PHF20L1: variants seen among roughly 807,000 people sequenced by gnomAD.
PHF20L1 encodes the protein PHD finger protein 20-like protein 1.
Under a neutral mutation model 125.5 loss-of-function variants are expected in PHF20L1, and 44 were observed. The observed-to-expected ratio is 0.35, with a 90% CI of 0.28 to 0.45. PHF20L1 has a LOEUF of 0.45. PHF20L1 is among the 20% of genes least tolerant of loss of function. The pLI is 1.00. For synonymous variants in PHF20L1, 380 were observed against 403.1 expected (o/e 0.94, Z 0.69); for missense variants, 1,012 against 1,217.2 (o/e 0.83, Z 2.51).
At chr8:132,839,636 A>C (rs1011885870) in intron 18 of PHF20L1, 54 bp downstream of exon 18, 12 of 1,278,138 alleles carry the variant, frequency 9.4e-6, no homozygotes, top group African/African-American at 1.5e-5. Flanking sequence ...TTTTAATTCA[A>C]ACCAACACTG....
At chr8:132,804,311 AT>A (rs941091993) in intron 7 of PHF20L1, among the ~76,000 whole-genome samples, 1 of 151,306 alleles carries the variant, frequency 6.6e-6, no homozygotes, top group Non-Finnish European at 1.5e-5. Context: ...TTTGTTTGAG[AT>A]TTTTTCTTTT....
intron 2 of PHF20L1, among the ~76,000 whole-genome samples, chr8:132,790,796 ATATTC>A (rs1831600567): frequency 6.6e-6 from 1 of 152,190 alleles, no homozygotes; most frequent in South Asian, 2.1e-4. Context: ...GATTAGGTCT[ATATTC>A]TATATGTCCC....
chr8:132,779,803 G>A (rs908848782), intron 2 of PHF20L1, among the ~76,000 whole-genome samples: 1 of 152,162 alleles, frequency 6.6e-6, no homozygotes, highest in Non-Finnish European at 1.5e-5. Flanking sequence ...TACTTTTAGA[G>A]TATTCTGTGT....
In PHF20L1 at chr8:132,842,846, T is replaced by C; in HGVS notation, c.2719T>C (p.Ser907Pro). Reference sequence around the variant, plus strand: ...GAGAAGTAAAAACAGTTTACAGTACTCAGCAAAAGAACATGGAATGCCTGA... The same window carrying C: ...GAGAAGTAAAAACAGTTTACAGTACCCAGCAAAAGAACATGGAATGCCTGA... ...HMRSKNSLQY[S>P]AKEHGMPEKN... Residue 907 changes from serine to proline, a missense_variant, in exon 19 of 21, where the codon TCA becomes CCA. Around this residue, in one of 7 missense-constraint regions of PHF20L1, gnomAD observed 277 missense variants for 283.6 expected, o/e 0.98. Coordinates refer to ENST00000395386, the MANE Select transcript of PHF20L1 (RefSeq NM_016018.5). The C allele has an allele frequency of 6.2e-7, 1 of 1,609,856 alleles. No homozygotes were observed. The highest frequency in any genetic ancestry group is 2.2e-5 in the East Asian group (1 of 44,836).
intron 2 of PHF20L1, among the ~76,000 whole-genome samples, chr8:132,778,736 C>G (rs1223963041): frequency 6.6e-6 from 1 of 152,176 alleles, no homozygotes; most frequent in Non-Finnish European, 1.5e-5. Flanking sequence ...GCCCCTCATT[C>G]TGCTGTCTTG....
chr8:132,789,485 T>G (rs1831429540), intron 2 of PHF20L1, among the ~76,000 whole-genome samples: 1 of 152,190 alleles, frequency 6.6e-6, no homozygotes, highest in African/African-American at 2.4e-5. Context: ...CAGTTGAGAT[T>G]AGTAGAATTG....
chr8:132,817,963 CTTAAATATAATT>C (rs1447511404), intron 12 of PHF20L1: 1 of 153,126 alleles, frequency 6.5e-6, no homozygotes, highest in Non-Finnish European at 1.5e-5. Context: ...ATGCCTGTAT[CTTAAATATAATT>C]CCATATTTTG....
At chr8:132,777,968 G>A in intron 2 of PHF20L1, 57 bp downstream of exon 2, 4 of 1,067,142 alleles carry the variant, frequency 3.7e-6, no homozygotes, top group Non-Finnish European at 2.9e-6. Flanking sequence ...CCTTACATAT[G>A]TTAATTAAAA....
At chr8:132,780,503 TTTC>T (rs1220691586) in intron 2 of PHF20L1, among the ~76,000 whole-genome samples, 3 of 152,146 alleles carry the variant, frequency 2.0e-5, no homozygotes, top group African/African-American at 7.2e-5. Context: ...TATACAGAAA[TTTC>T]TTTTCTCCCT....
In PHF20L1 at chr8:132,811,478, C is replaced by T. The variant is rs946551410; in HGVS notation, c.930+350C>T. ...GAGTTAAAACAGGGTTTTTTGACAT[C>T]GAATAAAGCTTCTTTTGTAAGAAGT... On this transcript the variant is annotated intron_variant, in intron 9 of 20. Coordinates refer to ENST00000395386, the MANE Select transcript of PHF20L1 (RefSeq NM_016018.5). 1.6e-5 allele frequency: 16 copies of T among 994,958 alleles called. 1 individual carries two copies. The African/African-American group carries it at 2.1e-4, about 13-fold the overall frequency. 61.6% of individuals were successfully genotyped at this position (994,958 alleles called of 1,614,324 possible).
chr8:132,777,073 A>G (rs982897783), intron 1 of PHF20L1, among the ~76,000 whole-genome samples: 4 of 152,222 alleles, frequency 2.6e-5, no homozygotes, highest in Admixed American at 1.3e-4. Context: ...GACACTGTCT[A>G]AATTGAAATA....
At chr8:132,817,569 C>T (rs752688833) in intron 12 of PHF20L1, 24 bp downstream of exon 12, 2 of 1,535,148 alleles carry the variant, frequency 1.3e-6, no homozygotes, top group South Asian at 1.2e-5. Context: ...AATAAAGGCT[C>T]CTATAAGTAG....
intron 19 of PHF20L1, chr8:132,843,249 A>G: frequency 1.0e-6 from 1 of 984,270 alleles, no homozygotes; most frequent in Non-Finnish European, 1.2e-6. Context: ...GAGTTAGATA[A>G]AAGGTGGCAC....
At position 132,837,964 on chromosome 8, in the gene PHF20L1, A is replaced by G. The variant is rs984609058; in HGVS notation, c.2191+153A>G. 11 of 609,232 alleles carry G rather than the reference A, an allele frequency of 1.8e-5. No individual in the cohort carries two copies. In the African/African-American group the frequency reaches 2.0e-4, roughly 11 times the overall value. The allele number at this position is 609,232 out of a possible 1,614,324, so 37.7% of individuals were successfully genotyped here. ...AAACTGTGACTCCAAATGAAACAGC[A>G]TGCTATATGCCATAGGAACTTAACT... is the stretch of plus-strand genomic sequence containing the variant. On this transcript the variant is annotated intron_variant, in intron 17 of 20. Transcript: ENST00000395386.
chr8:132,831,023 C>G (rs1275305780), intron 14 of PHF20L1, among the ~76,000 whole-genome samples: 1 of 152,034 alleles, frequency 6.6e-6, no homozygotes, highest in African/African-American at 2.4e-5. Flanking sequence ...TGCCATCACC[C>G]AAGTTCTGAG....
At chr8:132,796,886 G>A (rs1484067578) in intron 4 of PHF20L1, among the ~76,000 whole-genome samples, 1 of 152,094 alleles carries the variant, frequency 6.6e-6, no homozygotes, top group East Asian at 1.9e-4. Flanking sequence ...AACAGTCATT[G>A]CCCTCTACAT....
intron 2 of PHF20L1, among the ~76,000 whole-genome samples, chr8:132,787,890 G>A (rs901482870): frequency 6.6e-6 from 1 of 151,950 alleles, no homozygotes; most frequent in East Asian, 1.9e-4. Flanking sequence ...TTGTTATTTG[G>A]CAAATAATCC....
intron 2 of PHF20L1, among the ~76,000 whole-genome samples, chr8:132,785,405 T>C (rs1458807964): frequency 2.0e-5 from 3 of 152,310 alleles, no homozygotes; most frequent in African/African-American, 7.2e-5. Context: ...CAGATGCTTC[T>C]GTTTTTAATT....
Position 132,836,671 on chromosome 8 carries a change from ATTGTGCGATGTAT to A in PHF20L1, c.2047_2059del (p.Cys684TrpfsTer8). On this transcript the variant is annotated frameshift_variant, in exon 16 of 21. Coordinates refer to ENST00000395386, the MANE Select transcript of PHF20L1 (RefSeq NM_016018.5). LOFTEE classifies it high-confidence loss of function. ...GGATGAGGATGATGCTCTTAATGAA[ATTGTGCGATGTAT>A]TTGTGAGATGGATGAGGAGAATGGC... 1 of 1,613,316 alleles carries A rather than the reference ATTGTGCGATGTAT, an allele frequency of 6.2e-7. No homozygotes were observed. The highest frequency in any genetic ancestry group is 8.5e-7 in the Non-Finnish European group (1 of 1,179,516).
Sources: gnomAD v4.1 joint callset for allele counts (sites outside exome capture counted in the v4.1 genomes callset) on GRCh38, gnomAD v4.1.1 for gene constraint, gnomAD v4.1.1 regional missense constraint, MANE v1.5 for transcripts, NCBI Gene and HGNC (gene_info 2026-07-23, HGNC 2026-07-21) for gene names.